Variants in TGFBRAP1 observed in about 807,000 individuals in gnomAD.
TGFBRAP1 encodes the protein transforming growth factor-beta receptor-associated protein 1.
Under a neutral mutation model 83.2 loss-of-function variants are expected in TGFBRAP1, and 20 were observed. The observed-to-expected ratio is 0.24, with a 90% CI of 0.17 to 0.35. The LOEUF (loss-of-function observed/expected upper bound fraction) is 0.35, where lower values mean the gene tolerates loss of function less well. TGFBRAP1 is among the 10% of genes least tolerant of loss of function. The pLI, the probability that TGFBRAP1 is intolerant of heterozygous loss-of-function variation, is 1.00. For synonymous variants in TGFBRAP1, 415 were observed against 459.8 expected (o/e 0.90, Z 1.25); for missense variants, 950 against 1,099.4 (o/e 0.86, Z 1.92).
Position 105,296,385 on chromosome 2 carries a change from G to A in TGFBRAP1, c.1009C>T (p.Arg337Trp), listed in dbSNP as rs149456678. The change falls in exon 4 of 12, where the codon CGG becomes TGG. Residue 337 changes from arginine to tryptophan, a missense_variant. Coordinates refer to ENST00000393359, the MANE Select transcript of TGFBRAP1 (RefSeq NM_004257.6). The part of the protein sequence containing the change: ...EEALVLAKGA[R>W]RNIPKEKFQV... ...AATTTTTCCTTTGGAATGTTCCTCC[G>A]GGCTCCTTTTGCTAAAACCAAAGCC... 1.9e-5 allele frequency: 31 copies of A among 1,613,632 alleles called. No homozygotes were observed. Among genetic ancestry groups the A allele is most frequent in the Admixed American group, 1.5e-4 (9 of 59,860 alleles).
chr2:105,306,786 G>C (rs1443138197), intron 2 of TGFBRAP1, among the ~76,000 whole-genome samples: 1 of 152,076 alleles, frequency 6.6e-6, no homozygotes, highest in African/African-American at 2.4e-5. Flanking sequence ...GCAATAAAGC[G>C]AGACTCTGTC....
chr2:105,316,340 CA>C (rs201007530), intron 1 of TGFBRAP1, among the ~76,000 whole-genome samples: 7,855 of 61,462 alleles, frequency 0.13, 244 homozygotes, highest in Middle Eastern at 0.29. Flanking sequence ...ATGTTTTTTA[CA>C]AAAAAAAAAA....
intron 4 of TGFBRAP1, among the ~76,000 whole-genome samples, chr2:105,285,357 T>C (rs1359618579): frequency 6.6e-6 from 1 of 152,216 alleles, no homozygotes; most frequent in African/African-American, 2.4e-5. Context: ...TGATCAACTC[T>C]CTGATCCATT....
chr2:105,317,704 T>C (rs899295109), intron 1 of TGFBRAP1, among the ~76,000 whole-genome samples: 4 of 152,010 alleles, frequency 2.6e-5, no homozygotes, highest in East Asian at 1.9e-4. Context: ...AGTGAAAAGA[T>C]AAGGGGAAAA....
rs1167922086 is a variant in TGFBRAP1 at position 105,272,883 on chromosome 2, A to G, written c.1944T>C (p.Ser648=). ...GAAGAAAGTGGACTCGGTATAAATC[A>G]GATTTCTGGAGCAGCCGCCGCAGCT... The part of the protein sequence containing the change: ...QAKLRRLLQK[S]DLYRVHFLLE... The change falls in exon 10 of 12, where the codon TCT becomes TCC. Residue 648 remains serine, a synonymous_variant. Coordinates refer to ENST00000393359, the MANE Select transcript of TGFBRAP1 (RefSeq NM_004257.6). The G allele has an allele frequency of 1.1e-5, 18 of 1,608,876 alleles. No individual in the cohort carries two copies. The highest frequency in any genetic ancestry group is 1.5e-5 in the Non-Finnish European group (18 of 1,179,852).
intron 8 of TGFBRAP1, 145 bp downstream of exon 8, chr2:105,275,415 T>A (rs1279683433): frequency 7.5e-7 from 1 of 1,340,630 alleles, no homozygotes; most frequent in East Asian, 2.5e-5. Flanking sequence ...AGGGAAGGTA[T>A]TAAAAGGGGA....
chr2:105,258,760 C>T, the TGFBRAP1 span, among the ~76,000 whole-genome samples: 4 of 152,044 alleles, frequency 2.6e-5, no homozygotes, highest in South Asian at 8.3e-4. Flanking sequence ...CACACACACA[C>T]ACACACACAC....
rs774822998 is a variant in TGFBRAP1 at position 105,272,805 on chromosome 2, G to A, written c.1972+50C>T. 25 of 1,599,142 alleles carry A rather than the reference G, an allele frequency of 1.6e-5. No homozygotes were observed. In the Middle Eastern group the frequency reaches 5.0e-4, roughly 32 times the overall value. On this transcript the variant is annotated intron_variant, in intron 10 of 11. Transcript: ENST00000393359. ...CCCTTCTCTCTGCTTCCTCCCACCC[G>A]CTTGATATGAGTTTTTTCCAAAGGG...
chr2:105,328,593 A>G (rs991193623), intron 1 of TGFBRAP1, among the ~76,000 whole-genome samples: 16 of 152,160 alleles, frequency 1.1e-4, no homozygotes, highest in Admixed American at 5.9e-4. Flanking sequence ...AACCAAGCCA[A>G]CACACACAAC....
At chr2:105,271,393 T>C (rs996553758) in intron 10 of TGFBRAP1, among the ~76,000 whole-genome samples, 4 of 152,208 alleles carry the variant, frequency 2.6e-5, no homozygotes, top group Admixed American at 2.0e-4. Flanking sequence ...AAAAATTCAA[T>C]AGCTGGGACA....
chr2:105,271,856 G>A (rs1677164856), intron 10 of TGFBRAP1, among the ~76,000 whole-genome samples: 1 of 152,166 alleles, frequency 6.6e-6, no homozygotes, highest in African/African-American at 2.4e-5. Flanking sequence ...GCAGAGCTGA[G>A]GCCAAAGAAG....
At position 105,307,795 on chromosome 2, in the gene TGFBRAP1, C is replaced by T. The variant is rs1427722109; in HGVS notation, c.507G>A (p.Gln169=). 2 of 1,614,062 alleles carry T rather than the reference C, an allele frequency of 1.2e-6. No individual in the cohort carries two copies. The highest frequency in any genetic ancestry group is 1.7e-6 in the Non-Finnish European group (2 of 1,180,038). Residue 169 remains glutamine, a synonymous_variant, in exon 2 of 12, where the codon CAG becomes CAA. Transcript: ENST00000393359. The part of the protein sequence containing the change: ...QIVKEVSTAE[Q]PLAVAVDGHF... ...GGCCGTCCACAGCCACAGCGAGGGG[C>T]TGCTCGGCAGTCGACACCTCCTTGA... is the stretch of plus-strand genomic sequence containing the variant.
chr2:105,289,399 T>G (rs1391039186), intron 4 of TGFBRAP1, among the ~76,000 whole-genome samples: 1 of 152,178 alleles, frequency 6.6e-6, no homozygotes, highest in Non-Finnish European at 1.5e-5. Flanking sequence ...TGGCTCAAAT[T>G]TTGAGGCATT....
chr2:105,285,760 T>C (rs746145917), intron 4 of TGFBRAP1, among the ~76,000 whole-genome samples: 2 of 152,220 alleles, frequency 1.3e-5, no homozygotes, highest in African/African-American at 4.8e-5. Context: ...CTACTTCCAG[T>C]AGAAATCCCT....
At chr2:105,261,951 CCTGTGGGGGCACAT>C (rs1013252462), downstream of TGFBRAP1, among the ~76,000 whole-genome samples, 13 of 152,132 alleles carry the variant, frequency 8.5e-5, no homozygotes, top group African/African-American at 2.7e-4. Context: ...CTCAGACACA[CCTGTGGGGGCACAT>C]CTGTGGGATG....
intron 2 of TGFBRAP1, among the ~76,000 whole-genome samples, chr2:105,306,981 G>A (rs778757889): frequency 6.6e-6 from 1 of 152,150 alleles, no homozygotes; most frequent in Non-Finnish European, 1.5e-5. Context: ...ATCCAACACC[G>A]GCTGTACATG....
rs542589506 is a variant in TGFBRAP1, at chr2:105,322,188, A to G, written c.-18+7437T>C. Among the ~76,000 whole-genome samples, 156 of 152,340 alleles carry G rather than the reference A, an allele frequency of 1.0e-3. 1 individual carries two copies. The highest frequency in any genetic ancestry group is 1.2e-3 in the Non-Finnish European group (81 of 68,028). ...TAACCAAAAAGTTTAAAGAAAAAAAAAGAAAGAAAAAACTTATAGAATAAG... is the reference window on the plus strand; with the variant it reads ...TAACCAAAAAGTTTAAAGAAAAAAAGAGAAAGAAAAAACTTATAGAATAAG... On this transcript the variant is annotated intron_variant, in intron 1 of 11. Coordinates refer to ENST00000393359, the MANE Select transcript of TGFBRAP1 (RefSeq NM_004257.6).
chr2:105,280,646 G>A lies in TGFBRAP1; in HGVS notation c.1199C>T (p.Ser400Phe). The A allele has an allele frequency of 6.2e-7, 1 of 1,614,160 alleles. No homozygotes were observed. The highest frequency in any genetic ancestry group is 8.5e-7 in the Non-Finnish European group (1 of 1,180,040). ...TGCGTACTCATGAAGAGGAGGGTGG[G>A]ACCGGGTGAAGGAGGAGGAGGTGGG... ...LLPTSSSFTR[S>F]HPPLHEYADL... The change falls in exon 6 of 12, where the codon TCC (serine) becomes TTC (phenylalanine). Residue 400 changes from serine (S) to phenylalanine (F), a missense_variant. Coordinates refer to ENST00000393359, the MANE Select transcript of TGFBRAP1 (RefSeq NM_004257.6).
At chr2:105,270,305 G>T (rs1040475038) in intron 10 of TGFBRAP1, among the ~76,000 whole-genome samples, 2 of 152,096 alleles carry the variant, frequency 1.3e-5, no homozygotes, top group African/African-American at 4.8e-5. Context: ...AGGTCCTAAG[G>T]AAAATGACAT....
Sources: allele counts gnomAD v4.1 joint callset (sites outside exome capture counted in the v4.1 genomes callset), GRCh38; gene constraint gnomAD v4.1.1; transcripts MANE v1.5; gene names NCBI Gene and HGNC (gene_info 2026-07-23, HGNC 2026-07-21).